The following LRRC49 variants were observed in gnomAD, a reference collection of about 807,000 sequenced individuals.
LRRC49 encodes the protein leucine rich repeat containing 49, also known as leucine-rich repeat-containing protein 49.
In LRRC49, 50 loss-of-function variants were observed where a neutral mutation model predicts 83.3. The ratio of observed to expected loss-of-function variants is 0.60; its 90% CI spans 0.48 to 0.76. The LOEUF is 0.76. LRRC49 is among the 30% of genes least tolerant of loss of function. The probability of loss-of-function intolerance (pLI) is 0.00; values close to 1 mark genes in which losing one functional copy is unlikely to be tolerated. For missense variants in LRRC49, 704 were observed against 809.1 expected, an observed-to-expected ratio of 0.87 and a Z score of 1.58; for synonymous variants, 286 against 283.3, an observed-to-expected ratio of 1.01 and a Z score of -0.10.
chr15:70,868,754 CTA>C (rs1280066802), intron 1 of LRRC49, among the ~76,000 whole-genome samples: 1 of 152,216 alleles, frequency 6.6e-6, no homozygotes, highest in East Asian at 1.9e-4. Flanking sequence ...GAGGCAAAAA[CTA>C]TATACAGTGA....
chr15:70,891,879 G>C, upstream of LRRC49: 4 of 1,610,370 alleles, frequency 2.5e-6, no homozygotes, highest in Non-Finnish European at 3.4e-6. Flanking sequence ...GCTCGGGGGC[G>C]TGTACAGGAG....
chr15:70,872,284 A>C (rs1312266273), intron 1 of LRRC49, among the ~76,000 whole-genome samples: 1 of 152,224 alleles, frequency 6.6e-6, no homozygotes, highest in Non-Finnish European at 1.5e-5. Context: ...AATCCCAGGC[A>C]CTGGGCAGGC....
upstream of LRRC49, among the ~76,000 whole-genome samples, chr15:70,890,915 C>G (rs1415320123): frequency 2.0e-5 from 3 of 152,066 alleles, no homozygotes; most frequent in African/African-American, 7.2e-5. Flanking sequence ...AAAAAACATG[C>G]AGGGCCATGT....
intron 6 of LRRC49, among the ~76,000 whole-genome samples, chr15:70,917,187 G>T (rs1425619439): frequency 2.6e-5 from 4 of 152,188 alleles, no homozygotes; most frequent in Admixed American, 1.3e-4. Context: ...TGGCCTGCAG[G>T]TGCCCCTTCA....
intron 9 of LRRC49, among the ~76,000 whole-genome samples, chr15:70,974,120 T>C (rs1367071676): frequency 6.6e-6 from 1 of 152,064 alleles, no homozygotes; most frequent in African/African-American, 2.4e-5. Flanking sequence ...AAGGGGACTC[T>C]GTCTCAAAAA....
intron 13 of LRRC49, among the ~76,000 whole-genome samples, chr15:71,010,361 A>G (rs370120386): frequency 6.6e-6 from 1 of 151,954 alleles, no homozygotes; most frequent in African/African-American, 2.4e-5. Context: ...CTGCTATGCA[A>G]GAGGGGATAA....
intron 7 of LRRC49, among the ~76,000 whole-genome samples, chr15:70,931,742 C>T (rs184438301): frequency 1.3e-5 from 2 of 152,098 alleles, no homozygotes; most frequent in East Asian, 3.9e-4. Context: ...CTGACTGTTA[C>T]TCATGGTAAT....
At chr15:71,013,996 A>G (rs567935747) in intron 14 of LRRC49, among the ~76,000 whole-genome samples, 2 of 152,176 alleles carry the variant, frequency 1.3e-5, no homozygotes, top group Non-Finnish European at 2.9e-5. Context: ...TTACCCTACT[A>G]TAATTTACAC....
At chr15:70,916,182 G>A (rs1409087714) in intron 6 of LRRC49, among the ~76,000 whole-genome samples, 2 of 152,124 alleles carry the variant, frequency 1.3e-5, no homozygotes, top group Non-Finnish European at 2.9e-5. Flanking sequence ...TTATAATAGT[G>A]GGGCTTAACA....
In LRRC49 at chr15:70,868,322, G is replaced by A. The variant is rs114117532; in HGVS notation, c.-298-4586G>A. 2.5e-3 allele frequency among the ~76,000 whole-genome samples: 374 copies of A among 152,258 alleles called. 2 individuals are homozygous for A. Among genetic ancestry groups the A allele is most frequent in the African/African-American group, 8.7e-3 (361 of 41,546 alleles). The stretch of plus-strand genomic sequence containing the variant: ...AGTGTAATACGTTATTATGACATGC[G>A]CTTGGATACGTACCCAGTAGGGAGC... On this transcript the variant is annotated intron_variant, in intron 1 of 16. Transcript: ENST00000544974.
At chr15:70,896,277 A>T (rs1225104304) in intron 3 of LRRC49, among the ~76,000 whole-genome samples, 2 of 152,168 alleles carry the variant, frequency 1.3e-5, no homozygotes, top group Admixed American at 1.3e-4. Flanking sequence ...ATCAGGAAAG[A>T]ATGTAAAGTC....
intron 1 of LRRC49, among the ~76,000 whole-genome samples, chr15:70,870,652 A>G (rs4777323): frequency 0.55 from 82,976 of 151,888 alleles, 23,451 homozygotes; most frequent in Admixed American, 0.69. Flanking sequence ...CACCACGCCC[A>G]GCTAATTTTG....
chr15:70,944,542 C>T (rs2035941682), intron 8 of LRRC49, among the ~76,000 whole-genome samples: 2 of 152,110 alleles, frequency 1.3e-5, no homozygotes, highest in South Asian at 4.2e-4. Context: ...GTAGCTGGGA[C>T]TACAGGTGTG....
At chr15:70,878,834 G>A (rs1462311163) in intron 2 of LRRC49, among the ~76,000 whole-genome samples, 1 of 152,230 alleles carries the variant, frequency 6.6e-6, no homozygotes, top group South Asian at 2.1e-4. Flanking sequence ...TTTGTATAAT[G>A]TATTGCAGGA....
intron 9 of LRRC49, among the ~76,000 whole-genome samples, chr15:70,974,017 C>T (rs2037111184): frequency 1.3e-5 from 2 of 152,058 alleles, no homozygotes; most frequent in Admixed American, 1.3e-4. Context: ...ATCCCAGCTA[C>T]TCGGGAGGCT....
intron 2 of LRRC49, among the ~76,000 whole-genome samples, chr15:70,877,860 T>C (rs1193519454): frequency 6.6e-6 from 1 of 152,248 alleles, no homozygotes; most frequent in African/African-American, 2.4e-5. Context: ...CTGGGCGCGG[T>C]GGCTCACGCC....
rs1028361405 is a variant in LRRC49 at position 70,873,019 on chromosome 15, G to T, written c.-187G>T. The T allele has an allele frequency of 1.3e-4, 75 of 593,246 alleles. 1 individual carries two copies. The highest frequency in any genetic ancestry group is 1.9e-4 in the Admixed American group (7 of 37,466). 36.7% of individuals were successfully genotyped at this position (593,246 alleles called of 1,614,324 possible). A position where few individuals can be genotyped will look rare whatever the true frequency, so the allele number is the denominator to read the frequency against. ...TCTGCCTCAGCATCCCGAGTAGCTG[G>T]GATTATAGGTGCCCGCCACCATGCC... On this transcript the variant is annotated 5_prime_UTR_variant, in exon 2 of 17. Coordinates refer to the LRRC49 transcript ENST00000544974.
intron 1 of LRRC49, among the ~76,000 whole-genome samples, chr15:70,869,536 CAT>C (rs1382235717): frequency 6.6e-6 from 1 of 152,108 alleles, no homozygotes; most frequent in Non-Finnish European, 1.5e-5. Flanking sequence ...GTGGAATGTA[CAT>C]ATATTTAAGT....
intron 6 of LRRC49, 41 bp from the exon 7 acceptor site, chr15:70,919,009 T>G (rs766172885): frequency 2.6e-6 from 4 of 1,550,696 alleles, no homozygotes; most frequent in South Asian, 2.4e-5. Context: ...ATATTTCAGG[T>G]TTTTGCCTGC....
Sources: allele counts gnomAD v4.1 joint callset (sites outside exome capture counted in the v4.1 genomes callset), GRCh38; gene constraint gnomAD v4.1.1; transcripts MANE v1.5; gene names NCBI Gene and HGNC (gene_info 2026-07-23, HGNC 2026-07-21).